MYO1H: variants seen among roughly 807,000 people sequenced by gnomAD.
MYO1H encodes unconventional myosin-Ih.
In MYO1H, 118 loss-of-function variants were observed where a neutral mutation model predicts 149.3. The observed-to-expected ratio is 0.79, with a 90% CI of 0.68 to 0.92. The LOEUF (loss-of-function observed/expected upper bound fraction) is 0.92, where lower values mean the gene tolerates loss of function less well. Among genes scored for constraint, MYO1H ranks in the 40% least tolerant of loss-of-function variants. MYO1H has a pLI of 0.00. For missense variants in MYO1H, 1,212 were observed against 1,280.7 expected (o/e 0.95, Z 0.82); for synonymous variants, 447 against 465.2 (o/e 0.96, Z 0.50).
At chr12:109,406,959 G>T in intron 9 of MYO1H, 99 bp downstream of exon 9, 1 of 1,062,580 alleles carries the variant, frequency 9.4e-7, no homozygotes, top group South Asian at 1.3e-5. Context: ...CCAAACCTTT[G>T]ATCCTAGCTC....
chr12:109,379,575 A>G (rs1869157063), intron 1 of MYO1H, among the ~76,000 whole-genome samples: 1 of 152,166 alleles, frequency 6.6e-6, no homozygotes, highest in Non-Finnish European at 1.5e-5. Context: ...ATAATGAGGA[A>G]TATCTCTCTA....
chr12:109,365,828 G>A (rs1267095778), intron 1 of MYO1H, among the ~76,000 whole-genome samples: 5 of 152,136 alleles, frequency 3.3e-5, no homozygotes, highest in Non-Finnish European at 7.3e-5. Context: ...CAACCCCTGG[G>A]CAGTGGACTG....
At chr12:109,396,185 A>G (rs1021740132) in intron 3 of MYO1H, among the ~76,000 whole-genome samples, 199 bp from the exon 4 acceptor site, 1 of 151,982 alleles carries the variant, frequency 6.6e-6, no homozygotes, top group African/African-American at 2.4e-5. Flanking sequence ...AGCTTCCCAG[A>G]GTGCTGGGAT....
the MYO1H span, among the ~76,000 whole-genome samples, chr12:109,339,709 A>G: frequency 6.6e-6 from 1 of 152,240 alleles, no homozygotes; most frequent in Non-Finnish European, 1.5e-5. Flanking sequence ...AGGGAGAGGA[A>G]GCCTTAAAGA....
At chr12:109,418,645 T>C (rs1300009583) in intron 15 of MYO1H, among the ~76,000 whole-genome samples, 1 of 152,046 alleles carries the variant, frequency 6.6e-6, no homozygotes, top group East Asian at 1.9e-4. Flanking sequence ...GCCTCCTGGG[T>C]TTGCACCATT....
chr12:109,321,311 A>G, the MYO1H span, among the ~76,000 whole-genome samples: 1 of 152,126 alleles, frequency 6.6e-6, no homozygotes, highest in Non-Finnish European at 1.5e-5. Context: ...CAGCACTGGG[A>G]GGCTGAGGCA....
chr12:109,443,174 A>ATGTGTGTATATGTGTACGTATATG (rs1872281975), intron 27 of MYO1H, among the ~76,000 whole-genome samples: 2 of 115,590 alleles, frequency 1.7e-5, no homozygotes, highest in Admixed American at 1.7e-4. Flanking sequence ...ATGTGTACGT[A>ATGTGTGTATATGTGTACGTATATG]TGTGTGTATA....
chr12:109,328,110 C>T, the MYO1H span, among the ~76,000 whole-genome samples: 2 of 149,268 alleles, frequency 1.3e-5, no homozygotes, highest in African/African-American at 5.0e-5. Context: ...TGAGAATAAT[C>T]ATTGGGGATC....
intron 1 of MYO1H, among the ~76,000 whole-genome samples, 152 bp downstream of exon 1, chr12:109,348,124 C>A (rs1868375795): frequency 6.6e-6 from 1 of 152,182 alleles, no homozygotes; most frequent in South Asian, 2.1e-4. Flanking sequence ...ATGAAAAATT[C>A]TATGTTAAGA....
chr12:109,322,145 A>G, the MYO1H span, among the ~76,000 whole-genome samples: 44 of 152,316 alleles, frequency 2.9e-4, no homozygotes, highest in African/African-American at 1.1e-3. Flanking sequence ...GTTTACTGCT[A>G]TATGAAACAC....
chr12:109,331,030 A>G, the MYO1H span, among the ~76,000 whole-genome samples: 2 of 152,216 alleles, frequency 1.3e-5, no homozygotes. Flanking sequence ...TGCTTTGGGC[A>G]TGGCGTTATG....
intron 1 of MYO1H, among the ~76,000 whole-genome samples, chr12:109,367,987 G>A (rs1300245488): frequency 6.6e-6 from 1 of 152,150 alleles, no homozygotes; most frequent in Non-Finnish European, 1.5e-5. Flanking sequence ...CTGAGTTGCT[G>A]GGACTACAGG....
chr12:109,366,074 C>A (rs1391365375), intron 1 of MYO1H, among the ~76,000 whole-genome samples: 1 of 152,158 alleles, frequency 6.6e-6, no homozygotes, highest in African/African-American at 2.4e-5. Flanking sequence ...TGAAACCATT[C>A]CCTCCCTCTT....
At chr12:109,315,969 T>C in the MYO1H span, among the ~76,000 whole-genome samples, 1 of 152,220 alleles carries the variant, frequency 6.6e-6, no homozygotes, top group Admixed American at 6.5e-5. Flanking sequence ...GGTGGGTGTT[T>C]GGTGCTTTTG....
the MYO1H span, among the ~76,000 whole-genome samples, chr12:109,335,244 C>G: frequency 6.6e-6 from 1 of 152,072 alleles, no homozygotes; most frequent in Non-Finnish European, 1.5e-5. Context: ...GGGGAGGCCT[C>G]AGGGAACTTA....
chr12:109,371,750 A>G (rs974593791), intron 1 of MYO1H, among the ~76,000 whole-genome samples: 2 of 152,252 alleles, frequency 1.3e-5, no homozygotes, highest in African/African-American at 4.8e-5. Context: ...ATTACATTTC[A>G]TAAAGATTCT....
chr12:109,437,104 CA>C (rs1156474126), intron 22 of MYO1H, among the ~76,000 whole-genome samples: 2 of 151,302 alleles, frequency 1.3e-5, no homozygotes. Context: ...GACCCTGTCT[CA>C]AAAAAAATAA....
chr12:109,364,195 AAAAG>A (rs1868816883), intron 1 of MYO1H, among the ~76,000 whole-genome samples: 2 of 150,680 alleles, frequency 1.3e-5, no homozygotes, highest in African/African-American at 4.9e-5. Context: ...AAAAAAAAAA[AAAAG>A]AAGTGGGAAC....
Position 109,397,728 on chromosome 12 carries a change from C to A in MYO1H, c.490-4C>A. 1 of 1,608,146 alleles carries A rather than the reference C, an allele frequency of 6.2e-7. No individual in the cohort carries two copies. Among genetic ancestry groups the A allele is most frequent in the South Asian group, 1.1e-5 (1 of 90,114 alleles). On this transcript the variant is annotated splice_region_variant and splice_polypyrimidine_tract_variant and intron_variant, in intron 4 of 31. Coordinates refer to ENST00000310903, the Ensembl canonical transcript of MYO1H. ...TGACAGTGAATGACACTTTGTATTCCAAGGCTTTTGGAAATGCCAGAACGC... is the reference window on the plus strand; with the variant it reads ...TGACAGTGAATGACACTTTGTATTCAAAGGCTTTTGGAAATGCCAGAACGC...
Sources: allele counts gnomAD v4.1 joint callset (sites outside exome capture counted in the v4.1 genomes callset), GRCh38; gene constraint gnomAD v4.1.1; transcripts MANE v1.5; gene names NCBI Gene and HGNC (gene_info 2026-07-23, HGNC 2026-07-21).